Variants in PTPRD observed in about 807,000 individuals in gnomAD.
The protein encoded by PTPRD is protein tyrosine phosphatase receptor type D.
A neutral mutation model predicts 214.5 loss-of-function variants in PTPRD; 34 were observed. The observed-to-expected ratio is 0.16, with a 90% CI of 0.12 to 0.21. The LOEUF (loss-of-function observed/expected upper bound fraction) is 0.21. Among genes scored for constraint, PTPRD ranks in the 10% least tolerant of loss-of-function variants. The pLI is 1.00. For missense variants in PTPRD, 2,545 were observed against 2,398.7 expected (o/e 1.06, Z -1.27); for synonymous variants, 1,128 against 845.7 (o/e 1.33, Z -5.79).
chr9:10,453,642 T>A (rs2098870923), intron 2 of PTPRD, among the ~76,000 whole-genome samples: 1 of 151,728 alleles, frequency 6.6e-6, no homozygotes, highest in African/African-American at 2.4e-5. Flanking sequence ...TTGTGTATGT[T>A]GATTTAGAAT....
intron 7 of PTPRD, among the ~76,000 whole-genome samples, chr9:9,607,515 A>C (rs1484800393): frequency 1.3e-5 from 2 of 152,170 alleles, no homozygotes; most frequent in Non-Finnish European, 2.9e-5. Flanking sequence ...ATTTGAGTCT[A>C]ACCACTTTCT....
intron 2 of PTPRD, among the ~76,000 whole-genome samples, chr9:10,415,874 T>A (rs1479630771): frequency 2.6e-5 from 4 of 151,694 alleles, no homozygotes; most frequent in African/African-American, 9.7e-5. Flanking sequence ...AGACAATGCA[T>A]GAAGTGAGAA....
intron 3 of PTPRD, among the ~76,000 whole-genome samples, chr9:10,134,108 T>C (rs1385694091): frequency 3.9e-5 from 6 of 152,090 alleles, no homozygotes; most frequent in Non-Finnish European, 8.8e-5. Context: ...ACAGCAACAC[T>C]ACCCTGCCCA....
chr9:8,381,875 T>C (rs1056754591), intron 37 of PTPRD, among the ~76,000 whole-genome samples: 1 of 152,220 alleles, frequency 6.6e-6, no homozygotes, highest in East Asian at 1.9e-4. Flanking sequence ...GTCTCAAGTT[T>C]CTGGCACTTT....
chr9:9,421,508 C>A lies in PTPRD; in HGVS notation c.-236-24026G>T, dbSNP rs1007380695. On this transcript the variant is annotated intron_variant, in intron 8 of 45. Coordinates refer to ENST00000381196, the MANE Select transcript of PTPRD (RefSeq NM_002839.4). ...TTGTGTGCCTCACCTGTGGTACTGC[C>A]AATTTCAAATACAACAAAAGTGTTT... is the stretch of plus-strand genomic sequence containing the variant. Among the ~76,000 whole-genome samples, 156 of 152,124 alleles carry A rather than the reference C, an allele frequency of 1.0e-3. 1 individual carries two copies. Among genetic ancestry groups the A allele is most frequent in the African/African-American group, 3.6e-3 (149 of 41,548 alleles).
intron 39 of PTPRD, among the ~76,000 whole-genome samples, chr9:8,346,273 T>G (rs1857543002): frequency 6.6e-6 from 1 of 152,112 alleles, no homozygotes; most frequent in Non-Finnish European, 1.5e-5. Context: ...AATCCTTACA[T>G]TTTCAGGGAT....
intron 5 of PTPRD, among the ~76,000 whole-genome samples, chr9:9,849,760 C>T (rs1672450036): frequency 6.6e-6 from 1 of 152,058 alleles, no homozygotes; most frequent in African/African-American, 2.4e-5. Context: ...ACTTTTGCAT[C>T]CAGCTGATGC....
At chr9:9,367,629 G>A (rs1371596212) in intron 9 of PTPRD, among the ~76,000 whole-genome samples, 1 of 151,480 alleles carries the variant, frequency 6.6e-6, no homozygotes, top group East Asian at 1.9e-4. Flanking sequence ...ACAGTAGATT[G>A]CCAGAAGTTA....
chr9:9,737,881 A>T (rs550696898), intron 6 of PTPRD, among the ~76,000 whole-genome samples: 2 of 152,300 alleles, frequency 1.3e-5, no homozygotes, highest in South Asian at 4.1e-4. Flanking sequence ...TGGTAATTCT[A>T]TGTGTTTGAT....
chr9:8,812,145 T>A (rs1600596787), intron 11 of PTPRD, among the ~76,000 whole-genome samples: 1 of 152,158 alleles, frequency 6.6e-6, no homozygotes, highest in African/African-American at 2.4e-5. Flanking sequence ...GAAAGCTAAA[T>A]GTAGAATGGC....
chr9:8,733,834 C>G lies in PTPRD; in HGVS notation c.10G>C (p.Val4Leu), dbSNP rs1050031711. The change falls in exon 12 of 46, where the codon GTA becomes CTA. Residue 4 changes from valine (V) to leucine (L), a missense_variant. Transcript: ENST00000381196. The part of the protein sequence containing the change: MVH[V>L]ARLLLLLLTF... ...AGGAGCAGCAGCAGCAGCCTGGCTA[C>G]GTGCACCATCCTGCAGCTTGGCAGC... The G allele has an allele frequency of 1.3e-6, 2 of 1,551,820 alleles. No homozygotes were observed. The highest frequency in any genetic ancestry group is 1.2e-5 in the South Asian group (1 of 84,072).
chr9:8,350,356 A>T (rs938736522), intron 39 of PTPRD, among the ~76,000 whole-genome samples: 1 of 152,202 alleles, frequency 6.6e-6, no homozygotes, highest in African/African-American at 2.4e-5. Context: ...GTGCCAAGAC[A>T]GTAAAATATG....
intron 5 of PTPRD, among the ~76,000 whole-genome samples, chr9:9,827,453 T>C (rs1287631188): frequency 2.0e-5 from 3 of 152,122 alleles, no homozygotes; most frequent in South Asian, 4.1e-4. Context: ...TGGCTAGCCA[T>C]ATGTAGAAAG....
intron 9 of PTPRD, among the ~76,000 whole-genome samples, chr9:9,347,037 C>G (rs972596871): frequency 1.3e-5 from 2 of 151,990 alleles, no homozygotes; most frequent in African/African-American, 4.8e-5. Context: ...TGTGTTGGCG[C>G]ACGCTTGTAA....
chr9:8,560,468 C>CAT (rs2085761595), intron 14 of PTPRD, among the ~76,000 whole-genome samples: 1 of 138,880 alleles, frequency 7.2e-6, no homozygotes, highest in South Asian at 2.2e-4. Flanking sequence ...CACACACACA[C>CAT]ACACATATAT....
intron 3 of PTPRD, among the ~76,000 whole-genome samples, chr9:10,126,943 G>A (rs974105749): frequency 8.0e-6 from 1 of 124,846 alleles, no homozygotes; most frequent in Non-Finnish European, 1.7e-5. Context: ...AGTCTCAAAT[G>A]GACTTTTTTT....
At chr9:9,816,965 T>C (rs1271765076) in intron 5 of PTPRD, among the ~76,000 whole-genome samples, 2 of 152,068 alleles carry the variant, frequency 1.3e-5, no homozygotes, top group East Asian at 1.9e-4. Flanking sequence ...AAGGATTCTT[T>C]AACTGAAGAT....
chr9:10,509,841 C>A (rs1242843542), intron 2 of PTPRD, among the ~76,000 whole-genome samples: 2 of 151,646 alleles, frequency 1.3e-5, no homozygotes, highest in African/African-American at 2.4e-5. Flanking sequence ...TATACCAACT[C>A]ATATATATAC....
intron 2 of PTPRD, among the ~76,000 whole-genome samples, chr9:10,605,385 T>C (rs912526679): frequency 6.6e-6 from 1 of 151,934 alleles, no homozygotes; most frequent in Non-Finnish European, 1.5e-5. Context: ...GGCGATTTAT[T>C]TGTGTTTTTA....
Sources: gnomAD v4.1 joint callset for allele counts (sites outside exome capture counted in the v4.1 genomes callset) on GRCh38, gnomAD v4.1.1 for gene constraint, MANE v1.5 for transcripts, NCBI Gene and HGNC (gene_info 2026-07-23, HGNC 2026-07-21) for gene names.